Variants in NEMP2 observed in about 807,000 individuals in gnomAD.
The protein encoded by NEMP2 is nuclear envelope integral membrane protein 2.
A neutral mutation model predicts 54.2 loss-of-function variants in NEMP2; 53 were observed. That is an observed-to-expected ratio of 0.98 (90% CI 0.78 to 1.23). The LOEUF (loss-of-function observed/expected upper bound fraction) is 1.23. Ranked by LOEUF, NEMP2 falls within the 50% of genes most tolerant of loss-of-function variation. NEMP2 has a pLI of 0.00. For synonymous variants in NEMP2, 197 were observed against 190.3 expected, an observed-to-expected ratio of 1.04 and a Z score of -0.29; for missense variants, 455 against 511.3, an observed-to-expected ratio of 0.89 and a Z score of 1.06.
At chr2:190,460,758 G>C in the NEMP2 span, among the ~76,000 whole-genome samples, 11 of 152,344 alleles carry the variant, frequency 7.2e-5, 1 homozygote, top group South Asian at 2.3e-3. Context: ...TCAAGACACA[G>C]AGACAGGTGG....
chr2:190,551,474 G>A, the NEMP2 span, among the ~76,000 whole-genome samples: 4 of 150,186 alleles, frequency 2.7e-5, no homozygotes, highest in African/African-American at 7.4e-5. Context: ...TTTCATTTCT[G>A]AAATAATTTT....
chr2:190,606,126 G>C, the NEMP2 span, among the ~76,000 whole-genome samples: 2 of 152,178 alleles, frequency 1.3e-5, no homozygotes, highest in African/African-American at 4.8e-5. Flanking sequence ...GCTAAGGCCG[G>C]ACCAAAATAG....
rs1301567131 is a variant in NEMP2 at position 190,508,063 on chromosome 2, CAAGAAAAAAAATCATTTTAT to C, written c.*1106_*1125del. On this transcript the variant is annotated 3_prime_UTR_variant, in exon 9 of 9. Coordinates refer to ENST00000409150, the MANE Select transcript of NEMP2 (RefSeq NM_001142645.2). The surrounding 1 kb of genome is among the most constrained non-coding windows in gnomAD (Gnocchi z 4.3). ...CAATCTGGAGTTTAATATCATGAAT[CAAGAAAAAAAATCATTTTAT>C]AAGAAATTGTTACAAACACCTATAG... The C allele has an allele frequency of 6.6e-6, 1 of 151,624 alleles. No individual in the cohort carries two copies. The highest frequency in any genetic ancestry group is 1.5e-5 in the Non-Finnish European group (1 of 67,920). The allele number at this position is 151,624 out of a possible 1,614,324, so 9.4% of individuals were successfully genotyped here.
the NEMP2 span, among the ~76,000 whole-genome samples, chr2:190,577,701 C>T: frequency 3.3e-5 from 5 of 152,216 alleles, no homozygotes; most frequent in East Asian, 9.7e-4. The surrounding 1 kb of genome is among the most constrained non-coding windows in gnomAD (Gnocchi z 4.8). Context: ...CATAGTGAAA[C>T]CCCACCTCTA....
At chr2:190,559,986 G>T in the NEMP2 span, among the ~76,000 whole-genome samples, 2 of 152,200 alleles carry the variant, frequency 1.3e-5, no homozygotes, top group African/African-American at 4.8e-5. The surrounding 1 kb of genome is among the most constrained non-coding windows in gnomAD (Gnocchi z 4.0). Flanking sequence ...TTCTGGTCAG[G>T]TCTCCAAGCC....
At chr2:190,524,664 T>G (rs1690869512) in intron 2 of NEMP2, among the ~76,000 whole-genome samples, 1 of 152,198 alleles carries the variant, frequency 6.6e-6, no homozygotes, top group Admixed American at 6.5e-5. Flanking sequence ...ATTTTCTTTT[T>G]TCATAGTACT....
chr2:190,555,012 G>A, the NEMP2 span, among the ~76,000 whole-genome samples: 9 of 152,248 alleles, frequency 5.9e-5, no homozygotes, highest in African/African-American at 9.6e-5. The surrounding 1 kb of genome is among the most constrained non-coding windows in gnomAD (Gnocchi z 4.8). Flanking sequence ...ATACCCAGGC[G>A]AACAGGGTCT....
the NEMP2 span, among the ~76,000 whole-genome samples, chr2:190,494,507 G>T: frequency 7.9e-5 from 12 of 152,146 alleles, no homozygotes; most frequent in African/African-American, 2.7e-4. This position sits in a 1 kb window ranked among gnomAD's most constrained non-coding sequence, Gnocchi z 5.7. Context: ...TATGAAGCCA[G>T]TATCACCCTA....
the NEMP2 span, among the ~76,000 whole-genome samples, chr2:190,600,994 C>T: frequency 2.6e-5 from 4 of 152,080 alleles, no homozygotes; most frequent in East Asian, 7.7e-4. This position sits in a 1 kb window ranked among gnomAD's most constrained non-coding sequence, Gnocchi z 4.9. Flanking sequence ...CAAGTACAAA[C>T]AATTGATGTG....
the NEMP2 span, among the ~76,000 whole-genome samples, chr2:190,557,190 A>G: frequency 6.6e-6 from 1 of 152,234 alleles, no homozygotes; most frequent in Non-Finnish European, 1.5e-5. Flanking sequence ...CAACCATCTG[A>G]TCTTTGACAA....
chr2:190,469,598 C>A, the NEMP2 span: 1 of 355,134 alleles, frequency 2.8e-6, no homozygotes, highest in Non-Finnish European at 4.9e-6. This position sits in a 1 kb window ranked among gnomAD's most constrained non-coding sequence, Gnocchi z 5.3. Flanking sequence ...TCAGTTTTCC[C>A]ACTCCTGAGT....
the NEMP2 span, among the ~76,000 whole-genome samples, chr2:190,566,228 T>C: frequency 1.3e-5 from 2 of 152,218 alleles, no homozygotes; most frequent in Non-Finnish European, 2.9e-5. Context: ...TCAGAGAGCA[T>C]TCTATGAAGA....
chr2:190,587,091 C>T, the NEMP2 span, among the ~76,000 whole-genome samples: 2 of 152,306 alleles, frequency 1.3e-5, no homozygotes, highest in African/African-American at 2.4e-5. The surrounding 1 kb of genome is among the most constrained non-coding windows in gnomAD (Gnocchi z 5.4). Context: ...GCCACTCCCA[C>T]ATTGCTGCTA....
the NEMP2 span, among the ~76,000 whole-genome samples, chr2:190,547,321 T>C: frequency 1.3e-5 from 2 of 152,238 alleles, no homozygotes; most frequent in African/African-American, 4.8e-5. This position sits in a 1 kb window ranked among gnomAD's most constrained non-coding sequence, Gnocchi z 6.2. Flanking sequence ...TCTGAAACTT[T>C]ATGGTGACTT....
chr2:190,453,620 A>G, the NEMP2 span, among the ~76,000 whole-genome samples: 2 of 152,234 alleles, frequency 1.3e-5, no homozygotes, highest in Non-Finnish European at 1.5e-5. Flanking sequence ...CATAAAAATT[A>G]CATCCTAATG....
chr2:190,499,912 G>T (rs563974489), downstream of NEMP2: 44 of 1,579,368 alleles, frequency 2.8e-5, no homozygotes, highest in Admixed American at 2.0e-4. This position sits in a 1 kb window ranked among gnomAD's most constrained non-coding sequence, Gnocchi z 6.0. Flanking sequence ...GGGCACTTCC[G>T]GATGATCTCC....
the NEMP2 span, chr2:190,437,399 T>C: frequency 1.2e-6 from 2 of 1,614,244 alleles, no homozygotes; most frequent in Admixed American, 1.7e-5. This position sits in a 1 kb window ranked among gnomAD's most constrained non-coding sequence, Gnocchi z 5.9. Context: ...GCTTGGTTCA[T>C]GGGTTTTGGA....
the NEMP2 span, among the ~76,000 whole-genome samples, chr2:190,630,575 C>T: frequency 3.9e-5 from 6 of 152,120 alleles, no homozygotes; most frequent in African/African-American, 1.2e-4. The surrounding 1 kb of genome is among the most constrained non-coding windows in gnomAD (Gnocchi z 5.5). Context: ...GATACGGCTC[C>T]TTCTGACTTT....
At chr2:190,500,351 A>C, downstream of NEMP2, 13 of 883,504 alleles carry the variant, frequency 1.5e-5, no homozygotes, top group East Asian at 2.7e-5. This position sits in a 1 kb window ranked among gnomAD's most constrained non-coding sequence, Gnocchi z 5.3. Flanking sequence ...ATCTAAACTC[A>C]TTAACATGGA....
Sources: gnomAD v4.1 joint callset for allele counts (sites outside exome capture counted in the v4.1 genomes callset) on GRCh38, gnomAD v4.1.1 for gene constraint, Gnocchi (gnomAD v3.1) non-coding constraint, MANE v1.5 for transcripts, NCBI Gene and HGNC (gene_info 2026-07-23, HGNC 2026-07-21) for gene names.